Variants in PSD2 observed in about 807,000 individuals in gnomAD.
PSD2 encodes pleckstrin and Sec7 domain containing 2.
Under a neutral mutation model 69.8 loss-of-function variants are expected in PSD2, and 38 were observed. The ratio of observed to expected loss-of-function variants is 0.54; its 90% CI spans 0.42 to 0.71. PSD2 has a LOEUF of 0.71. Ranked by LOEUF, PSD2 falls within the 30% of genes least tolerant of loss-of-function variation. The pLI is 0.00. For missense variants in PSD2, 943 were observed against 1,014.5 expected, an observed-to-expected ratio of 0.93 and a Z score of 0.96; for synonymous variants, 412 against 423.0, an observed-to-expected ratio of 0.97 and a Z score of 0.32.
rs3055525 is a variant in PSD2 at position 139,824,394 on chromosome 5, G to GTTTTT, written c.1269+1626_1269+1630dup. Among the ~76,000 whole-genome samples the GTTTTT allele has an allele frequency of 1.8e-4, 22 of 119,408 alleles. 2 individuals are homozygous for GTTTTT. The highest frequency in any genetic ancestry group is 1.1e-3 in the South Asian group (4 of 3,512). The allele number at this position is 119,408 out of a possible 152,430, so 78.3% of individuals were successfully genotyped here. A position where few individuals can be genotyped will look rare whatever the true frequency, so the allele number is the denominator to read the frequency against. ...ACACTGAGGCTTTCGTCTCTCTCTT[G>GTTTTT]TTTTTTTTTTTTTTTTTTTTGAGAC... On this transcript the variant is annotated intron_variant, in intron 7 of 14. Coordinates refer to ENST00000274710, the MANE Select transcript of PSD2 (RefSeq NM_032289.4).
chr5:139,833,596 A>G, intron 7 of PSD2, 106 bp from the exon 8 acceptor site: 1 of 767,290 alleles, frequency 1.3e-6, no homozygotes, highest in South Asian at 1.4e-5. Flanking sequence ...AATTTTCATT[A>G]TTGCCCTTAA....
the PSD2 span, among the ~76,000 whole-genome samples, chr5:139,766,831 C>CTCTCTCTTTCTT: frequency 3.1e-5 from 1 of 32,324 alleles, no homozygotes; most frequent in Admixed American, 4.8e-4. Flanking sequence ...TCCCTTCCTT[C>CTCTCTCTTTCTT]TTTCTTTCTT....
the PSD2 span, among the ~76,000 whole-genome samples, chr5:139,774,431 G>T: frequency 2.0e-5 from 3 of 151,506 alleles, no homozygotes; most frequent in African/African-American, 7.4e-5. Flanking sequence ...GGAAGAGGTG[G>T]TTTAAGAGGT....
chr5:139,838,875 C>T, intron 13 of PSD2, 103 bp downstream of exon 13: 2 of 1,315,292 alleles, frequency 1.5e-6, no homozygotes, highest in Non-Finnish European at 1.1e-6. Flanking sequence ...GCTGGGTGAT[C>T]CTGGGCTGAA....
chr5:139,770,956 A>G, the PSD2 span, among the ~76,000 whole-genome samples: 1 of 152,256 alleles, frequency 6.6e-6, no homozygotes, highest in Non-Finnish European at 1.5e-5. Flanking sequence ...TGCACAATAG[A>G]AAGATGAATA....
the PSD2 span, among the ~76,000 whole-genome samples, chr5:139,752,899 C>T: frequency 6.6e-6 from 1 of 152,144 alleles, no homozygotes; most frequent in Non-Finnish European, 1.5e-5. Flanking sequence ...GGCTGCCCCT[C>T]CTGCTACAAC....
chr5:139,801,011 C>T (rs1759658189), intron 1 of PSD2, among the ~76,000 whole-genome samples: 1 of 152,058 alleles, frequency 6.6e-6, no homozygotes, highest in Admixed American at 6.6e-5. Context: ...TCAAGACCAG[C>T]CTGGCCAACA....
the PSD2 span, among the ~76,000 whole-genome samples, chr5:139,778,156 G>C: frequency 6.6e-6 from 1 of 152,232 alleles, no homozygotes; most frequent in Admixed American, 6.5e-5. Context: ...TGGCACTCGA[G>C]GTGTGAAGGA....
the PSD2 span, among the ~76,000 whole-genome samples, chr5:139,760,396 C>A: frequency 6.6e-6 from 1 of 152,110 alleles, no homozygotes; most frequent in South Asian, 2.1e-4. Flanking sequence ...TCACGGGGGA[C>A]CCACAGGTGT....
At chr5:139,759,524 G>A in the PSD2 span, among the ~76,000 whole-genome samples, 1 of 152,142 alleles carries the variant, frequency 6.6e-6, no homozygotes, top group Non-Finnish European at 1.5e-5. Context: ...TTTCTGCGGC[G>A]GATGACAGGT....
upstream of PSD2, among the ~76,000 whole-genome samples, chr5:139,792,793 C>G (rs1236133759): frequency 2.0e-5 from 3 of 148,292 alleles, 1 homozygote; most frequent in African/African-American, 7.5e-5. Flanking sequence ...CTCCCTCCCT[C>G]TCTTTCTCTC....
chr5:139,830,566 C>T (rs1342374079), intron 7 of PSD2, among the ~76,000 whole-genome samples: 5 of 125,256 alleles, frequency 4.0e-5, no homozygotes, highest in African/African-American at 1.8e-4. Flanking sequence ...TCCTTCCTTC[C>T]TTTCTTTCTT....
the PSD2 span, among the ~76,000 whole-genome samples, chr5:139,789,591 CAAAACA>C: frequency 1.3e-5 from 2 of 152,058 alleles, no homozygotes; most frequent in Admixed American, 1.3e-4. Context: ...AAAAACAAAA[CAAAACA>C]AAAACAAAAA....
chr5:139,745,509 T>C, the PSD2 span, among the ~76,000 whole-genome samples: 3 of 152,274 alleles, frequency 2.0e-5, no homozygotes, highest in African/African-American at 7.2e-5. Flanking sequence ...GGGGCCCTTT[T>C]CCCAGCATGG....
At chr5:139,781,631 G>A in the PSD2 span, among the ~76,000 whole-genome samples, 1 of 148,796 alleles carries the variant, frequency 6.7e-6, no homozygotes, top group Non-Finnish European at 1.5e-5. Flanking sequence ...CACGGCGCCT[G>A]GCCTTTTTTT....
In PSD2 at chr5:139,814,225, G is replaced by GA; in HGVS notation, c.878dup (p.Leu295ValfsTer5). The GA allele has an allele frequency of 1.9e-6, 3 of 1,613,852 alleles. No homozygotes were observed. Among genetic ancestry groups the GA allele is most frequent in the Non-Finnish European group, 2.5e-6 (3 of 1,179,880 alleles). On this transcript the variant is annotated frameshift_variant, in exon 4 of 15. Transcript: ENST00000274710. LOFTEE classifies it high-confidence loss of function. The surrounding 1 kb of genome is among the most constrained non-coding windows in gnomAD (Gnocchi z 4.4). ...CTCAGACTCTGAGCTCAGCAGCTCG[G>GA]AGGGGTTGGAGCCTGGTAGTGCAGA...
intron 7 of PSD2, among the ~76,000 whole-genome samples, chr5:139,830,823 CTT>C (rs60786662): frequency 0.074 from 6,123 of 82,414 alleles, 72 homozygotes; most frequent in African/African-American, 0.13. Flanking sequence ...CCTGGACTTG[CTT>C]TTTTTTTTTT....
At chr5:139,746,466 G>A in the PSD2 span, among the ~76,000 whole-genome samples, 9 of 152,184 alleles carry the variant, frequency 5.9e-5, no homozygotes, top group African/African-American at 2.2e-4. The surrounding 1 kb of genome is among the most constrained non-coding windows in gnomAD (Gnocchi z 4.5). Context: ...AGGCTACCTG[G>A]GCCCGCCGAA....
At chr5:139,796,724 T>C (rs1293765993) in intron 1 of PSD2, among the ~76,000 whole-genome samples, 1 of 152,178 alleles carries the variant, frequency 6.6e-6, no homozygotes, top group African/African-American at 2.4e-5. Context: ...CTCCCCGGAA[T>C]GATCACTGGG....
Sources: allele counts gnomAD v4.1 joint callset (sites outside exome capture counted in the v4.1 genomes callset), GRCh38; gene constraint gnomAD v4.1.1; non-coding constraint Gnocchi (gnomAD v3.1); transcripts MANE v1.5; gene names NCBI Gene and HGNC (gene_info 2026-07-23, HGNC 2026-07-21).